The following SPRED2 variants were observed in gnomAD, a reference collection of about 807,000 sequenced individuals.
SPRED2 encodes the protein sprouty-related, EVH1 domain-containing protein 2.
A neutral mutation model predicts 43.0 loss-of-function variants in SPRED2; 47 were observed. The observed-to-expected ratio is 1.09, with a 90% confidence interval of 0.87 to 1.40. The LOEUF (loss-of-function observed/expected upper bound fraction) is 1.40. SPRED2 is among the 40% of genes most tolerant of loss of function. The probability of loss-of-function intolerance (pLI) is 0.00; values close to 1 mark genes in which losing one functional copy is unlikely to be tolerated. For missense variants in SPRED2, 561 were observed against 586.4 expected, an observed-to-expected ratio of 0.96 and a Z score of 0.45; for synonymous variants, 225 against 225.7, an observed-to-expected ratio of 1.00 and a Z score of 0.03.
At chr2:65,401,937 G>GCGCGCGCGCGCGCGCACA (rs776512353) in intron 1 of SPRED2, among the ~76,000 whole-genome samples, 2 of 114,712 alleles carry the variant, frequency 1.7e-5, no homozygotes, top group African/African-American at 6.8e-5. Flanking sequence ...GCGCGCGCGC[G>GCGCGCGCGCGCGCGCACA]CACACACACA....
intron 1 of SPRED2, 146 bp from the exon 2 acceptor site, chr2:65,345,042 T>A (rs1293511624): frequency 1.5e-6 from 1 of 689,250 alleles, no homozygotes; most frequent in Non-Finnish European, 2.3e-6. Flanking sequence ...TAAAAAGTGG[T>A]CCATCTCAAC....
At chr2:65,317,559 AAAAAC>A (rs1469935579) in intron 4 of SPRED2, among the ~76,000 whole-genome samples, 11 of 91,414 alleles carry the variant, frequency 1.2e-4, no homozygotes, top group Non-Finnish European at 2.6e-4. Context: ...CAACAACAAC[AAAAAC>A]AAAACATAAA....
intron 1 of SPRED2, among the ~76,000 whole-genome samples, chr2:65,399,003 G>A (rs1382591290): frequency 6.6e-6 from 1 of 152,196 alleles, no homozygotes; most frequent in Non-Finnish European, 1.5e-5. Flanking sequence ...GTATAGCTGG[G>A]CGCGGTGGCT....
chr2:65,424,888 A>G (rs945265885), intron 1 of SPRED2, among the ~76,000 whole-genome samples: 1 of 152,140 alleles, frequency 6.6e-6, no homozygotes, highest in Non-Finnish European at 1.5e-5. Context: ...TCCAGCCTGG[A>G]CAACAGATCA....
chr2:65,413,419 G>C (rs1676206112), intron 1 of SPRED2, among the ~76,000 whole-genome samples: 1 of 152,240 alleles, frequency 6.6e-6, no homozygotes, highest in Non-Finnish European at 1.5e-5. Context: ...GTTATGAAGA[G>C]ATGTGGCTGT....
chr2:65,401,937 G>GCGCTCGCA (rs776512353), intron 1 of SPRED2, among the ~76,000 whole-genome samples: 1 of 114,714 alleles, frequency 8.7e-6, no homozygotes, highest in Non-Finnish European at 1.9e-5. Context: ...GCGCGCGCGC[G>GCGCTCGCA]CACACACACA....
In SPRED2 at chr2:65,313,321, A is replaced by C; in HGVS notation, c.*180T>G. ...CTGCTGCAGTGTGGGCGGCAGGGGGAGTGGAGAGTCTACCCGGCAGCGTCC... is the reference window on the plus strand; with the variant it reads ...CTGCTGCAGTGTGGGCGGCAGGGGGCGTGGAGAGTCTACCCGGCAGCGTCC... On this transcript the variant is annotated 3_prime_UTR_variant, in exon 6 of 6. Coordinates refer to ENST00000356388, the MANE Select transcript of SPRED2 (RefSeq NM_181784.3). 1 of 1,440,510 alleles carries C rather than the reference A, an allele frequency of 6.9e-7. No homozygotes were observed. Among genetic ancestry groups the C allele is most frequent in the South Asian group, 1.5e-5 (1 of 67,476 alleles). 89.2% of individuals were successfully genotyped at this position (1,440,510 alleles called of 1,614,324 possible).
intron 1 of SPRED2, among the ~76,000 whole-genome samples, chr2:65,425,781 T>A (rs999741255): frequency 6.6e-6 from 1 of 152,252 alleles, no homozygotes; most frequent in African/African-American, 2.4e-5. Flanking sequence ...TAGTAATTTT[T>A]AAATATTTCT....
At chr2:65,415,963 T>C (rs1413433211) in intron 1 of SPRED2, among the ~76,000 whole-genome samples, 3 of 152,216 alleles carry the variant, frequency 2.0e-5, no homozygotes, top group African/African-American at 4.8e-5. Context: ...CCACCCAGTA[T>C]GACAGATTAA....
chr2:65,363,000 G>GTTTTTTTTTT lies in SPRED2; in HGVS notation c.27-18105_27-18104insAAAAAAAAAA, dbSNP rs759784526. Among the ~76,000 whole-genome samples, 47 of 66,938 alleles carry GTTTTTTTTTT rather than the reference G, an allele frequency of 7.0e-4. 5 individuals carry two copies. The highest frequency in any genetic ancestry group is 3.2e-3 in the African/African-American group (46 of 14,270). 43.9% of individuals were successfully genotyped at this position (66,938 alleles called of 152,430 possible). Reference sequence around the variant, plus strand: ...CACTTGCTTTCTCTATGGTCATCATGTTTTGTTTTTTTTTTTTTTTTTTTT... The same window carrying GTTTTTTTTTT: ...CACTTGCTTTCTCTATGGTCATCATGTTTTTTTTTTTTTTGTTTTTTTTTTTTTTTTTTTT... On this transcript the variant is annotated intron_variant, in intron 1 of 5. Coordinates refer to ENST00000356388, the MANE Select transcript of SPRED2 (RefSeq NM_181784.3).
rs374863233 is a variant in SPRED2 at position 65,386,659 on chromosome 2, T to G, written c.27-41763A>C. Among the ~76,000 whole-genome samples the G allele has an allele frequency of 2.6e-5, 4 of 152,326 alleles. No homozygotes were observed. In the East Asian group the frequency reaches 7.7e-4, roughly 29 times the overall value. ...TCATCCTTACAGTATGGCTTCCATT[T>G]TTATAGAGGAAGAGAGATCAAGTAA... is the stretch of plus-strand genomic sequence containing the variant. On this transcript the variant is annotated intron_variant, in intron 1 of 5. Transcript: ENST00000356388.
At chr2:65,317,109 C>T (rs1053513178) in intron 4 of SPRED2, among the ~76,000 whole-genome samples, 3 of 152,176 alleles carry the variant, frequency 2.0e-5, no homozygotes, top group Non-Finnish European at 4.4e-5. Flanking sequence ...GCCCAGCCAC[C>T]AGACCCTGGA....
At chr2:65,375,137 T>C (rs1410644573) in intron 1 of SPRED2, among the ~76,000 whole-genome samples, 3 of 152,240 alleles carry the variant, frequency 2.0e-5, no homozygotes, top group African/African-American at 7.2e-5. Flanking sequence ...TGGCTGAGAC[T>C]TGGGGGCCCC....
intron 1 of SPRED2, chr2:65,377,611 A>AC (rs748140418): frequency 2.1e-6 from 1 of 470,722 alleles, no homozygotes; most frequent in Non-Finnish European, 4.4e-6. Flanking sequence ...GCAGAAACTC[A>AC]CCCCCTCCTT....
intron 1 of SPRED2, among the ~76,000 whole-genome samples, chr2:65,374,325 C>G (rs1158988139): frequency 6.6e-6 from 1 of 152,200 alleles, no homozygotes; most frequent in Non-Finnish European, 1.5e-5. Context: ...ACCAAGCACA[C>G]TTGATGGAAG....
chr2:65,363,995 A>G (rs1192389551), intron 1 of SPRED2, among the ~76,000 whole-genome samples: 1 of 152,204 alleles, frequency 6.6e-6, no homozygotes. Flanking sequence ...AAGAAAAAGG[A>G]AAAACAAAAA....
At chr2:65,409,798 G>C (rs2103756982) in intron 1 of SPRED2, among the ~76,000 whole-genome samples, 2 of 152,010 alleles carry the variant, frequency 1.3e-5, no homozygotes, top group Middle Eastern at 6.8e-3. Flanking sequence ...CACTTTGGGA[G>C]GCCAAGGCGG....
At chr2:65,431,458 TA>T (rs1676690852) in intron 1 of SPRED2, among the ~76,000 whole-genome samples, 1 of 152,012 alleles carries the variant, frequency 6.6e-6, no homozygotes, top group African/African-American at 2.4e-5. Context: ...CCGTGTTTTT[TA>T]TGAATGAAAA....
intron 2 of SPRED2, 105 bp from the exon 3 acceptor site, chr2:65,334,878 C>T: frequency 9.0e-7 from 1 of 1,108,670 alleles, no homozygotes; most frequent in Admixed American, 2.0e-5. Context: ...CTACCAAAAC[C>T]CCTCTAACCC....
Sources: allele counts gnomAD v4.1 joint callset (sites outside exome capture counted in the v4.1 genomes callset), GRCh38; gene constraint gnomAD v4.1.1; transcripts MANE v1.5; gene names NCBI Gene and HGNC (gene_info 2026-07-23, HGNC 2026-07-21).